The following MAP3K2 variants were observed in gnomAD, a reference collection of about 807,000 sequenced individuals.
The protein encoded by MAP3K2 is mitogen-activated protein kinase kinase kinase 2.
Under a neutral mutation model 80.3 loss-of-function variants are expected in MAP3K2, and 24 were observed. The observed-to-expected ratio is 0.30, with a 90% CI of 0.22 to 0.42. The LOEUF (loss-of-function observed/expected upper bound fraction) is 0.42, where lower values mean the gene tolerates loss of function less well. MAP3K2 is among the 10% of genes least tolerant of loss of function. The pLI, the probability that MAP3K2 is intolerant of heterozygous loss-of-function variation, is 1.00. For missense variants in MAP3K2, 608 were observed against 750.1 expected, an observed-to-expected ratio of 0.81 and a Z score of 2.21; for synonymous variants, 244 against 253.7, an observed-to-expected ratio of 0.96 and a Z score of 0.36.
At position 127,387,899 on chromosome 2, in the gene MAP3K2, C is replaced by T. The variant is rs1687402455; in HGVS notation, c.-513G>A. On this transcript the variant is annotated 5_prime_UTR_variant, in exon 1 of 17. Transcript: ENST00000682094. ...CCGTGCAACCCCCGAACGCTGCGCCCAGCGGCCGCGGCACCCTCGTCAGGC... is the reference window on the plus strand; with the variant it reads ...CCGTGCAACCCCCGAACGCTGCGCCTAGCGGCCGCGGCACCCTCGTCAGGC... 2.0e-6 allele frequency: 2 copies of T among 982,126 alleles called. No individual in the cohort carries two copies. Among genetic ancestry groups the T allele is most frequent in the African/African-American group, 1.7e-5 (1 of 57,258 alleles). 60.8% of individuals were successfully genotyped at this position (982,126 alleles called of 1,614,324 possible). A position where few individuals can be genotyped will look rare whatever the true frequency, so the allele number is the denominator to read the frequency against.
At chr2:127,367,259 T>C (rs1302763300) in intron 1 of MAP3K2, among the ~76,000 whole-genome samples, 2 of 152,150 alleles carry the variant, frequency 1.3e-5, no homozygotes, top group African/African-American at 4.8e-5. Flanking sequence ...CCTCTACTTA[T>C]CTTGTTTCCT....
At chr2:127,380,703 T>C (rs541828732) in intron 1 of MAP3K2, among the ~76,000 whole-genome samples, 8 of 152,302 alleles carry the variant, frequency 5.3e-5, no homozygotes, top group African/African-American at 1.9e-4. Context: ...AAAGCAACCA[T>C]GTAATTAACT....
At chr2:127,382,600 T>C (rs976761107) in intron 1 of MAP3K2, among the ~76,000 whole-genome samples, 3 of 152,266 alleles carry the variant, frequency 2.0e-5, no homozygotes, top group Non-Finnish European at 4.4e-5. Flanking sequence ...CAGCACGATC[T>C]TGGCTTACTG....
chr2:127,372,022 G>A (rs565391881), intron 1 of MAP3K2, among the ~76,000 whole-genome samples: 9 of 152,248 alleles, frequency 5.9e-5, no homozygotes, highest in East Asian at 3.9e-4. Context: ...CACTGGGAGC[G>A]CAAGACTGGA....
intron 1 of MAP3K2, among the ~76,000 whole-genome samples, chr2:127,369,229 C>T (rs1007541289): frequency 1.3e-5 from 2 of 150,988 alleles, no homozygotes; most frequent in Admixed American, 6.6e-5. Context: ...GGATTACAGG[C>T]ATGAGCCACC....
rs1333950885 is a variant in MAP3K2 at position 127,324,009 on chromosome 2, A to G, written c.746-15T>C. On this transcript the variant is annotated splice_polypyrimidine_tract_variant and intron_variant, in intron 10 of 16. Transcript: ENST00000682094. Reference sequence around the variant, plus strand: ...GTTATCATAGTCTGTTAAGACATATAAGATGGTTATCTTTTATTTAAAAAA... The same window carrying G: ...GTTATCATAGTCTGTTAAGACATATGAGATGGTTATCTTTTATTTAAAAAA... 2 of 1,256,780 alleles carry G rather than the reference A, an allele frequency of 1.6e-6. No individual in the cohort carries two copies. The highest frequency in any genetic ancestry group is 2.4e-5 in the East Asian group (1 of 41,990). 77.9% of individuals were successfully genotyped at this position (1,256,780 alleles called of 1,614,324 possible).
intron 1 of MAP3K2, among the ~76,000 whole-genome samples, chr2:127,386,386 T>A (rs1379935115): frequency 6.6e-6 from 1 of 152,200 alleles, no homozygotes; most frequent in African/African-American, 2.4e-5. Context: ...TACGATATTC[T>A]ACGCATTAAA....
At chr2:127,359,747 G>A (rs1686853643) in intron 1 of MAP3K2, among the ~76,000 whole-genome samples, 1 of 152,046 alleles carries the variant, frequency 6.6e-6, no homozygotes, top group Admixed American at 6.6e-5. Flanking sequence ...TTAAAAGTGT[G>A]CGGCACCTCC....
intron 1 of MAP3K2, among the ~76,000 whole-genome samples, chr2:127,378,905 A>C (rs1227103604): frequency 4.1e-5 from 6 of 146,204 alleles, no homozygotes. Context: ...TAATCCTCCC[A>C]CCTCAGCCTT....
chr2:127,366,378 T>C (rs1488553046), intron 1 of MAP3K2, among the ~76,000 whole-genome samples: 1 of 128,244 alleles, frequency 7.8e-6, no homozygotes, highest in South Asian at 2.3e-4. Context: ...AAAAACCCTA[T>C]CTCTGGAAAA....
chr2:127,340,759 T>C (rs1686463939), intron 2 of MAP3K2, among the ~76,000 whole-genome samples: 1 of 152,020 alleles, frequency 6.6e-6, no homozygotes, highest in African/African-American at 2.4e-5. Flanking sequence ...GGTCTCACCA[T>C]GTTGCCCAGG....
rs143855076 is a variant in MAP3K2, at chr2:127,302,176, A to G, written c.*5403T>C. 6 of 152,300 alleles carry G rather than the reference A, an allele frequency of 3.9e-5. No homozygotes were observed. In the East Asian group the frequency reaches 1.2e-3, roughly 29 times the overall value. The allele number at this position is 152,300 out of a possible 1,614,324, so 9.4% of individuals were successfully genotyped here. A position where few individuals can be genotyped will look rare whatever the true frequency, so the allele number is the denominator to read the frequency against. On this transcript the variant is annotated 3_prime_UTR_variant, in exon 17 of 17. Coordinates refer to ENST00000682094, the MANE Select transcript of MAP3K2 (RefSeq NM_001371910.2). ...ACTTTCTATTTAAGAATTATATATAAGATTATTTTACATATACACAAATTG... is the reference window on the plus strand; with the variant it reads ...ACTTTCTATTTAAGAATTATATATAGGATTATTTTACATATACACAAATTG...
At chr2:127,336,065 T>C (rs1236143151) in intron 4 of MAP3K2, 96 bp from the exon 5 acceptor site, 1 of 658,422 alleles carries the variant, frequency 1.5e-6, no homozygotes, top group Non-Finnish European at 2.7e-6. Context: ...CAAGATTAAC[T>C]AAAAATTACG....
chr2:127,323,836 T>G, intron 11 of MAP3K2, 66 bp downstream of exon 11: 1 of 725,070 alleles, frequency 1.4e-6, no homozygotes, highest in East Asian at 3.1e-5. Flanking sequence ...TTTAAAAAAT[T>G]TTTGTATTTA....
intron 5 of MAP3K2, among the ~76,000 whole-genome samples, chr2:127,332,111 CA>C (rs1340463497): frequency 1.3e-5 from 2 of 152,100 alleles, no homozygotes; most frequent in Non-Finnish European, 2.9e-5. Flanking sequence ...TAATAAAATA[CA>C]ATTATTAACT....
chr2:127,311,162 G>T (rs907679121), intron 15 of MAP3K2, among the ~76,000 whole-genome samples: 1 of 152,188 alleles, frequency 6.6e-6, no homozygotes, highest in Non-Finnish European at 1.5e-5. Context: ...CTCCAGAGGA[G>T]AGTCCAGGGT....
chr2:127,369,399 G>A (rs569992392), intron 1 of MAP3K2, among the ~76,000 whole-genome samples: 63 of 144,060 alleles, frequency 4.4e-4, no homozygotes, highest in Middle Eastern at 3.6e-3. Flanking sequence ...TTGGGAGGCC[G>A]AGGCGGGCGG....
chr2:127,312,780 T>C (rs1191886505), intron 15 of MAP3K2, among the ~76,000 whole-genome samples: 1 of 152,016 alleles, frequency 6.6e-6, no homozygotes, highest in African/African-American at 2.4e-5. Context: ...CTGACCAACA[T>C]GGAGAAACCC....
At chr2:127,314,615 A>G (rs1685865922) in intron 15 of MAP3K2, 139 bp downstream of exon 15, 1 of 691,226 alleles carries the variant, frequency 1.4e-6, no homozygotes, top group Non-Finnish European at 2.4e-6. Context: ...GACAGAGTCC[A>G]TAAGAAAGCA....
Sources: allele counts gnomAD v4.1 joint callset (sites outside exome capture counted in the v4.1 genomes callset), GRCh38; gene constraint gnomAD v4.1.1; transcripts MANE v1.5; gene names NCBI Gene and HGNC (gene_info 2026-07-23, HGNC 2026-07-21).